SH2D4A: variants seen among roughly 807,000 people sequenced by gnomAD.
The protein encoded by SH2D4A is SH2 domain containing 4A.
A neutral mutation model predicts 64.7 loss-of-function variants in SH2D4A; 70 were observed. The observed-to-expected ratio is 1.08, with a 90% CI of 0.89 to 1.32. The LOEUF (loss-of-function observed/expected upper bound fraction) is 1.32, where lower values mean the gene tolerates loss of function less well. Among genes scored for constraint, SH2D4A ranks in the 40% most tolerant of loss-of-function variants. The pLI, the probability that SH2D4A is intolerant of heterozygous loss-of-function variation, is 0.00. For missense variants in SH2D4A, 706 were observed against 540.1 expected, an observed-to-expected ratio of 1.31 and a Z score of -3.04; for synonymous variants, 268 against 200.7, an observed-to-expected ratio of 1.34 and a Z score of -2.83.
intron 4 of SH2D4A, among the ~76,000 whole-genome samples, chr8:19,336,927 G>C (rs192642293): frequency 1.3e-5 from 2 of 151,412 alleles, no homozygotes; most frequent in African/African-American, 4.9e-5. Context: ...TACTTTTTTA[G>C]ACCTTTTTTT....
At chr8:19,352,102 A>G (rs193248203) in intron 4 of SH2D4A, among the ~76,000 whole-genome samples, 239 of 152,314 alleles carry the variant, frequency 1.6e-3, no homozygotes, top group African/African-American at 5.5e-3. Context: ...ACTTATAAAC[A>G]AAGGGAATAT....
intron 1 of SH2D4A, chr8:19,314,198 G>A (rs2052046061): frequency 4.0e-6 from 3 of 756,064 alleles, no homozygotes; most frequent in African/African-American, 1.9e-5. Context: ...AGGGACACGC[G>A]GCGCGTGCTT....
chr8:19,352,596 G>A (rs929314222), intron 4 of SH2D4A, among the ~76,000 whole-genome samples: 11 of 152,238 alleles, frequency 7.2e-5, no homozygotes, highest in African/African-American at 2.2e-4. Context: ...GATGATGACC[G>A]TAGTGGCTGT....
chr8:19,386,045 C>T (rs865820861), intron 8 of SH2D4A, among the ~76,000 whole-genome samples: 10 of 152,158 alleles, frequency 6.6e-5, no homozygotes, highest in African/African-American at 2.2e-4. Context: ...CATTTTATGG[C>T]GTGGAGAGGC....
At chr8:19,357,344 C>A in intron 5 of SH2D4A, 61 bp downstream of exon 5, 1 of 1,156,986 alleles carries the variant, frequency 8.6e-7, no homozygotes, top group Non-Finnish European at 1.3e-6. Context: ...ACTAATGTTT[C>A]ACAGATTAGT....
intron 2 of SH2D4A, among the ~76,000 whole-genome samples, chr8:19,327,202 AC>A (rs1284151732): frequency 1.3e-5 from 2 of 152,102 alleles, no homozygotes; most frequent in Non-Finnish European, 2.9e-5. Context: ...ACTTCAAGAA[AC>A]CCCCAAGATA....
intron 1 of SH2D4A, chr8:19,314,224 G>T (rs1309685953): frequency 1.2e-5 from 6 of 498,618 alleles, no homozygotes; most frequent in Non-Finnish European, 1.6e-5. Flanking sequence ...CGCGGGGAGT[G>T]CAGGCCCCGG....
intron 4 of SH2D4A, among the ~76,000 whole-genome samples, chr8:19,347,305 G>T (rs1318138008): frequency 6.6e-6 from 1 of 152,214 alleles, no homozygotes; most frequent in Non-Finnish European, 1.5e-5. Flanking sequence ...ATGTAATGGG[G>T]AGTTAATGGG....
intron 2 of SH2D4A, among the ~76,000 whole-genome samples, chr8:19,325,799 G>A (rs764112025): frequency 6.6e-6 from 1 of 152,180 alleles, no homozygotes; most frequent in Non-Finnish European, 1.5e-5. Flanking sequence ...AATAACTTCA[G>A]GATTGTTACG....
intron 7 of SH2D4A, among the ~76,000 whole-genome samples, chr8:19,364,598 C>G (rs759154696): frequency 1.8e-4 from 28 of 152,106 alleles, no homozygotes; most frequent in South Asian, 1.0e-3. Context: ...CCCCTCCCCC[C>G]CAGAGGCAGC....
At chr8:19,319,755 G>C in intron 2 of SH2D4A, 27 bp downstream of exon 2, 2 of 1,536,174 alleles carry the variant, frequency 1.3e-6, no homozygotes, top group Non-Finnish European at 1.7e-6. Context: ...TTCTTCTGTG[G>C]ATGTGTTGGT....
At chr8:19,386,397 C>T (rs950458098) in intron 8 of SH2D4A, among the ~76,000 whole-genome samples, 3 of 152,220 alleles carry the variant, frequency 2.0e-5, no homozygotes, top group Non-Finnish European at 4.4e-5. Context: ...CAGCAGGCTT[C>T]CTGCAAAAAT....
chr8:19,380,825 C>G (rs1327956198), intron 8 of SH2D4A, among the ~76,000 whole-genome samples: 1 of 151,888 alleles, frequency 6.6e-6, no homozygotes, highest in African/African-American at 2.4e-5. Flanking sequence ...CCTGTTTTTT[C>G]TTCTTTTTCG....
At chr8:19,326,080 A>G (rs568185326) in intron 2 of SH2D4A, among the ~76,000 whole-genome samples, 4 of 152,338 alleles carry the variant, frequency 2.6e-5, no homozygotes, top group South Asian at 2.1e-4. Context: ...TTTGGACTGT[A>G]TGAGGTAAGC....
intron 2 of SH2D4A, among the ~76,000 whole-genome samples, chr8:19,326,305 G>A (rs1266718822): frequency 6.6e-6 from 1 of 152,240 alleles, no homozygotes; most frequent in Non-Finnish European, 1.5e-5. Context: ...TGCCAGTCAG[G>A]CATTTGTCTT....
intron 4 of SH2D4A, among the ~76,000 whole-genome samples, chr8:19,350,309 T>C (rs6999618): frequency 0.65 from 99,588 of 152,094 alleles, 33,640 homozygotes; most frequent in African/African-American, 0.79. Context: ...ACTGCATTTT[T>C]CAAAGATGTT....
chr8:19,316,496 G>T (rs907483248), intron 1 of SH2D4A, among the ~76,000 whole-genome samples: 3 of 152,108 alleles, frequency 2.0e-5, no homozygotes, highest in African/African-American at 7.2e-5. Flanking sequence ...TGAATACGTG[G>T]GTAAGCAATG....
At chr8:19,389,518 T>C (rs904314054) in intron 8 of SH2D4A, among the ~76,000 whole-genome samples, 22 of 152,076 alleles carry the variant, frequency 1.4e-4, no homozygotes, top group African/African-American at 5.3e-4. Flanking sequence ...TTTTGTAGGG[T>C]GTAGGCTCAG....
chr8:19,345,834 A>T (rs2052604955), intron 4 of SH2D4A, among the ~76,000 whole-genome samples: 1 of 152,160 alleles, frequency 6.6e-6, no homozygotes, highest in Non-Finnish European at 1.5e-5. Context: ...ATTCAAGGAG[A>T]TCCCTTACAG....
Sources: allele counts gnomAD v4.1 joint callset (sites outside exome capture counted in the v4.1 genomes callset), GRCh38; gene constraint gnomAD v4.1.1; transcripts MANE v1.5; gene names NCBI Gene and HGNC (gene_info 2026-07-23, HGNC 2026-07-21).